The following CDK6 variants were observed in gnomAD, a reference collection of about 807,000 sequenced individuals.
The protein encoded by CDK6 is cyclin dependent kinase 6.
A neutral mutation model predicts 37.1 loss-of-function variants in CDK6; 6 were observed. The ratio of observed to expected loss-of-function variants is 0.16; its 90% CI spans 0.09 to 0.32. The LOEUF is 0.32. Ranked by LOEUF, CDK6 falls within the 10% of genes least tolerant of loss-of-function variation. The pLI is 1.00. For synonymous variants in CDK6, 160 were observed against 161.3 expected, an observed-to-expected ratio of 0.99 and a Z score of 0.06; for missense variants, 224 against 418.9, an observed-to-expected ratio of 0.53 and a Z score of 4.06.
rs71699291 is a variant in CDK6 at position 92,625,219 on chromosome 7, AACACAC to A, written c.648-2139_648-2134del. ...CAGAGTTACAATTAAGTGGTAACTA[AACACAC>A]ACACACACACACACACACACACACA... On this transcript the variant is annotated intron_variant, in intron 5 of 7. Transcript: ENST00000424848. 7.6e-3 allele frequency among the ~76,000 whole-genome samples: 1,084 copies of A among 141,974 alleles called. 6 individuals carry two copies. Among genetic ancestry groups the A allele is most frequent in the Middle Eastern group, 0.017 (5 of 288 alleles). 93.1% of individuals were successfully genotyped at this position (141,974 alleles called of 152,430 possible).
intron 3 of CDK6, among the ~76,000 whole-genome samples, chr7:92,751,991 T>A (rs1328799727): frequency 6.6e-6 from 1 of 152,196 alleles, no homozygotes; most frequent in East Asian, 1.9e-4. Context: ...ATAAAAATTA[T>A]ATTTAATTCT....
chr7:92,652,847 A>G (rs945602966), intron 5 of CDK6, among the ~76,000 whole-genome samples: 2 of 152,202 alleles, frequency 1.3e-5, no homozygotes, highest in African/African-American at 4.8e-5. Flanking sequence ...ATGGATTTTG[A>G]TATCCTTCTC....
intron 3 of CDK6, among the ~76,000 whole-genome samples, chr7:92,764,279 T>C (rs898447343): frequency 6.6e-6 from 1 of 152,032 alleles, no homozygotes; most frequent in African/African-American, 2.4e-5. Flanking sequence ...GCTGGGACTA[T>C]AGGTATGCAC....
chr7:92,758,182 G>A (rs1009063135), intron 3 of CDK6, among the ~76,000 whole-genome samples: 1 of 151,936 alleles, frequency 6.6e-6, no homozygotes, highest in African/African-American at 2.4e-5. Flanking sequence ...TTTGCTTTTG[G>A]TGTCTTTGAC....
chr7:92,769,563 G>A (rs1280923009), intron 3 of CDK6, among the ~76,000 whole-genome samples: 1 of 152,084 alleles, frequency 6.6e-6, no homozygotes, highest in Admixed American at 6.5e-5. Flanking sequence ...TTTTCAAAGA[G>A]TTTATAAAAT....
chr7:92,754,759 C>T (rs1025342341), intron 3 of CDK6, among the ~76,000 whole-genome samples: 4 of 152,142 alleles, frequency 2.6e-5, no homozygotes, highest in Admixed American at 2.0e-4. Flanking sequence ...GTTCTCATTT[C>T]CCAAAGTCTC....
At chr7:92,820,929 T>A (rs1482319724) in intron 2 of CDK6, among the ~76,000 whole-genome samples, 1 of 151,390 alleles carries the variant, frequency 6.6e-6, no homozygotes, top group East Asian at 2.0e-4. Context: ...ATAAGCCCTT[T>A]CATACTATTT....
At chr7:92,720,677 C>T (rs1798345312) in intron 4 of CDK6, among the ~76,000 whole-genome samples, 1 of 152,172 alleles carries the variant, frequency 6.6e-6, no homozygotes, top group Non-Finnish European at 1.5e-5. Context: ...TGGCTCTGCT[C>T]TAAGACATGT....
At chr7:92,635,196 C>T (rs1250798673) in intron 5 of CDK6, among the ~76,000 whole-genome samples, 1 of 152,190 alleles carries the variant, frequency 6.6e-6, no homozygotes, top group Non-Finnish European at 1.5e-5. Flanking sequence ...TTAATCCTAG[C>T]TCCCTAAAAC....
At chr7:92,815,614 C>A (rs1416516188) in intron 2 of CDK6, among the ~76,000 whole-genome samples, 1 of 152,134 alleles carries the variant, frequency 6.6e-6, no homozygotes, top group Non-Finnish European at 1.5e-5. Flanking sequence ...AATTTCCAGA[C>A]CACAGGTACA....
At chr7:92,733,654 T>C (rs1320602582) in intron 3 of CDK6, among the ~76,000 whole-genome samples, 2 of 152,186 alleles carry the variant, frequency 1.3e-5, no homozygotes, top group Non-Finnish European at 2.9e-5. Context: ...TAAGCAGTCA[T>C]TAAATTACCC....
chr7:92,680,549 T>C (rs577040758), intron 4 of CDK6, among the ~76,000 whole-genome samples: 4 of 150,854 alleles, frequency 2.7e-5, no homozygotes, highest in Non-Finnish European at 5.9e-5. Context: ...TTTTGACATA[T>C]GGCAAAAAAA....
At position 92,613,310 on chromosome 7, in the gene CDK6, T is replaced by C. The variant is rs1031335862; in HGVS notation, c.*1830A>G. The C allele has an allele frequency of 8.6e-6, 2 of 233,278 alleles. No homozygotes were observed. Among genetic ancestry groups the C allele is most frequent in the African/African-American group, 4.4e-5 (2 of 45,356 alleles). The allele number at this position is 233,278 out of a possible 1,614,324, so 14.5% of individuals were successfully genotyped here. ...AATGCATAAACATGATCTGAATTAT[T>C]TTCTGAGTGCAGCAACCTCCATTCT... On this transcript the variant is annotated 3_prime_UTR_variant, in exon 8 of 8. Coordinates refer to ENST00000424848, the MANE Select transcript of CDK6 (RefSeq NM_001145306.2).
At chr7:92,832,603 T>C (rs928511479) in intron 2 of CDK6, among the ~76,000 whole-genome samples, 6 of 152,204 alleles carry the variant, frequency 3.9e-5, no homozygotes, top group Admixed American at 3.3e-4. Flanking sequence ...TTCTGCATCT[T>C]GTTAACCTGA....
At chr7:92,775,249 G>C (rs1378983351) in intron 2 of CDK6, among the ~76,000 whole-genome samples, 2 of 152,186 alleles carry the variant, frequency 1.3e-5, no homozygotes, top group Non-Finnish European at 2.9e-5. Context: ...GATGCTGAAT[G>C]TTGTAATCAA....
chr7:92,728,688 T>C (rs1364152559), intron 3 of CDK6, among the ~76,000 whole-genome samples: 2 of 152,214 alleles, frequency 1.3e-5, no homozygotes, highest in African/African-American at 4.8e-5. Context: ...GTTGATTCCA[T>C]GTGTATGATG....
intron 3 of CDK6, among the ~76,000 whole-genome samples, chr7:92,765,695 C>T (rs947780769): frequency 6.6e-6 from 1 of 151,916 alleles, no homozygotes; most frequent in Non-Finnish European, 1.5e-5. Context: ...GTATGCTGGC[C>T]CTGGAGCTAG....
chr7:92,706,607 G>A (rs1797970687), intron 4 of CDK6, among the ~76,000 whole-genome samples: 1 of 152,106 alleles, frequency 6.6e-6, no homozygotes, highest in Non-Finnish European at 1.5e-5. Context: ...TGTGCTCCAG[G>A]GCCACAACTC....
chr7:92,691,684 G>A (rs1797603133), intron 4 of CDK6, among the ~76,000 whole-genome samples: 1 of 152,098 alleles, frequency 6.6e-6, no homozygotes, highest in African/African-American at 2.4e-5. Flanking sequence ...TAGATTACAC[G>A]TGCTTTCATT....
Sources: allele counts gnomAD v4.1 joint callset (sites outside exome capture counted in the v4.1 genomes callset), GRCh38; gene constraint gnomAD v4.1.1; transcripts MANE v1.5; gene names NCBI Gene and HGNC (gene_info 2026-07-23, HGNC 2026-07-21).